Variants in SEC31B observed in about 807,000 individuals in gnomAD.
SEC31B encodes protein transport protein Sec31B.
SEC31B carries 113 observed loss-of-function variants against 135.0 expected under a neutral mutation model. That is an observed-to-expected ratio of 0.84 (90% CI 0.72 to 0.98). The LOEUF (loss-of-function observed/expected upper bound fraction) is 0.98. SEC31B is among the 50% of genes least tolerant of loss of function. The probability of loss-of-function intolerance (pLI) is 0.00; values close to 1 mark genes in which losing one functional copy is unlikely to be tolerated. For synonymous variants in SEC31B, 508 were observed against 549.4 expected (o/e 0.92, Z 1.05); for missense variants, 1,296 against 1,421.1 (o/e 0.91, Z 1.42).
intron 3 of SEC31B, among the ~76,000 whole-genome samples, chr10:100,512,543 G>C (rs1236989798): frequency 6.6e-6 from 1 of 152,042 alleles, no homozygotes; most frequent in African/African-American, 2.4e-5. Flanking sequence ...TACCCATACT[G>C]GTGTTTCAGA....
intron 3 of SEC31B, among the ~76,000 whole-genome samples, chr10:100,510,138 G>A (rs1186710957): frequency 6.6e-6 from 1 of 152,214 alleles, no homozygotes; most frequent in Admixed American, 6.5e-5. Context: ...CAGAGCCTGA[G>A]CTCTTAACAT....
chr10:100,501,255 A>G (rs1440131022), intron 11 of SEC31B, among the ~76,000 whole-genome samples: 2 of 151,946 alleles, frequency 1.3e-5, no homozygotes, highest in Non-Finnish European at 2.9e-5. Flanking sequence ...CAAAAAAACA[A>G]AAACAAAAAA....
At chr10:100,516,317 C>G (rs924632487) in intron 2 of SEC31B, 98 bp from the exon 3 acceptor site, 1 of 1,360,764 alleles carries the variant, frequency 7.3e-7, no homozygotes, top group Non-Finnish European at 1.0e-6. Context: ...CAGAAGAGGG[C>G]TGGGTATACC....
At chr10:100,495,677 C>T (rs1851394696) in intron 18 of SEC31B, 131 bp from the exon 19 acceptor site, 2 of 1,025,850 alleles carry the variant, frequency 1.9e-6, no homozygotes, top group Non-Finnish European at 2.9e-6. Flanking sequence ...TGTTGTTGTT[C>T]TGTTCTGTTT....
In SEC31B at chr10:100,489,017, G is replaced by C. The variant is rs1260717246; in HGVS notation, c.3172-43C>G. ...GGGAGAAAGGCCAGAGGGGCAAGCTGTCCTTCTCATGGCTTCCCTAAGGAC... is the reference window on the plus strand; with the variant it reads ...GGGAGAAAGGCCAGAGGGGCAAGCTCTCCTTCTCATGGCTTCCCTAAGGAC... On this transcript the variant is annotated intron_variant, in intron 23 of 25. Coordinates refer to ENST00000370345, the MANE Select transcript of SEC31B (RefSeq NM_015490.4). The C allele has an allele frequency of 1.9e-6, 3 of 1,563,178 alleles. No individual in the cohort carries two copies. In the South Asian group the frequency reaches 3.7e-5, roughly 19 times the overall value.
intron 19 of SEC31B, among the ~76,000 whole-genome samples, chr10:100,491,382 T>C (rs1203155034): frequency 6.6e-6 from 1 of 152,184 alleles, no homozygotes; most frequent in African/African-American, 2.4e-5. Context: ...GAAGGAACAC[T>C]TCCTAACTAA....
intron 10 of SEC31B, among the ~76,000 whole-genome samples, chr10:100,503,332 G>A (rs1226118714): frequency 2.0e-5 from 3 of 152,072 alleles, no homozygotes; most frequent in Non-Finnish European, 4.4e-5. Context: ...GACTTGCCAG[G>A]CCACACCCCA....
At chr10:100,493,869 T>C (rs1042756746) in intron 19 of SEC31B, among the ~76,000 whole-genome samples, 1 of 152,088 alleles carries the variant, frequency 6.6e-6, no homozygotes, top group Non-Finnish European at 1.5e-5. Flanking sequence ...GGGGTGTTGT[T>C]GGGATGCAGG....
chr10:100,495,476 G>A lies in SEC31B; in HGVS notation c.2381C>T (p.Pro794Leu), dbSNP rs267602337. 6.2e-7 allele frequency: 1 copy of A among 1,613,904 alleles called. No individual in the cohort carries two copies. The highest frequency in any genetic ancestry group is 8.5e-7 in the Non-Finnish European group (1 of 1,179,888). The change falls in exon 19 of 26, where the codon CCC becomes CTC. Residue 794 changes from proline (P) to leucine (L), a missense_variant. By Grantham distance (98) the Pro-to-Leu change is moderately conservative. Transcript: ENST00000370345. ...AACAATCCGGGGGAAGGGGAAAGGGGGAGACTGTTGGCCCAAGACAGCAGA... is the reference window on the plus strand; with the variant it reads ...AACAATCCGGGGGAAGGGGAAAGGGAGAGACTGTTGGCCCAAGACAGCAGA... ...QGSAVLGQQS[P>L]PFPFPRIVVG...
rs529168753 is a variant in SEC31B, at chr10:100,489,445, T to C, written c.3025-47A>G. ...CATGAGTCTAACCTGAGAGACTCCA[T>C]GGCTCTGGTTTTGGGGAGTGGCAGG... is the stretch of plus-strand genomic sequence containing the variant. On this transcript the variant is annotated intron_variant, in intron 22 of 25. Transcript: ENST00000370345. 1.6e-4 allele frequency: 256 copies of C among 1,599,280 alleles called. 2 individuals are homozygous for C. In the South Asian group the frequency reaches 2.3e-3, roughly 14 times the overall value.
In SEC31B at chr10:100,488,093, T is replaced by A; in HGVS notation, c.3294A>T (p.Thr1098=). Residue 1098 remains threonine (T), a synonymous_variant, in exon 25 of 26, where the codon ACA becomes ACT. Transcript: ENST00000370345. The stretch of plus-strand genomic sequence containing the variant: ...GGGCTGCCTCTTCCAGCTTCCTTTT[T>A]GTCTTCTGCAGGGAAAGAAATGGAT... The part of the protein sequence containing the change: ...RCSLSATDLK[T]KRKLEEAAQR... 6.2e-7 allele frequency: 1 copy of A among 1,613,982 alleles called. No homozygotes were observed. The highest frequency in any genetic ancestry group is 8.5e-7 in the Non-Finnish European group (1 of 1,179,910).
rs147450629 is a variant in SEC31B, at chr10:100,499,235, G to A, written c.1509C>T (p.Asp503=). 338 of 1,613,100 alleles carry A rather than the reference G, an allele frequency of 2.1e-4. No homozygotes were observed. Among genetic ancestry groups the A allele is most frequent in the Non-Finnish European group, 2.7e-4 (314 of 1,179,690 alleles). Residue 503 remains aspartate (D), a synonymous_variant, in exon 13 of 26, where the codon GAC becomes GAT. Coordinates refer to ENST00000370345, the MANE Select transcript of SEC31B (RefSeq NM_015490.4). ...GCTGAGGACTCTCACCTAGCCCCAC[G>A]TCACTCTTCAACCATGTGGCCACCT... ...QKKVATWLKS[D]VGLGESPQPK...
intron 1 of SEC31B, among the ~76,000 whole-genome samples, chr10:100,519,101 AGGCC>A (rs984378819): frequency 1.3e-5 from 2 of 152,246 alleles, no homozygotes; most frequent in African/African-American, 4.8e-5. Flanking sequence ...ACAACTGGCT[AGGCC>A]GGGATGTGAA....
chr10:100,512,393 T>C (rs573885054), intron 3 of SEC31B, among the ~76,000 whole-genome samples: 21 of 152,230 alleles, frequency 1.4e-4, no homozygotes, highest in Non-Finnish European at 2.8e-4. Flanking sequence ...ACCTTTCTTT[T>C]TGAGTGAAAT....
intron 15 of SEC31B, 80 bp from the exon 16 acceptor site, chr10:100,497,873 T>G: frequency 1.9e-6 from 3 of 1,609,254 alleles, no homozygotes; most frequent in Non-Finnish European, 2.6e-6. Context: ...GGCCTCCTGT[T>G]AGAGCACTGA....
intron 3 of SEC31B, among the ~76,000 whole-genome samples, chr10:100,515,000 A>G (rs1319815964): frequency 6.6e-6 from 1 of 151,074 alleles, no homozygotes; most frequent in Admixed American, 6.6e-5. Flanking sequence ...AAAAAAAAAA[A>G]TAGTAGAGCC....
intron 1 of SEC31B, among the ~76,000 whole-genome samples, chr10:100,517,728 T>C (rs1227075149): frequency 2.0e-5 from 3 of 152,198 alleles, no homozygotes; most frequent in Non-Finnish European, 2.9e-5. Flanking sequence ...TTTTATGGTC[T>C]TTTTTTATTT....
intron 19 of SEC31B, chr10:100,495,169 G>C (rs958874065): frequency 5.4e-6 from 3 of 550,498 alleles, no homozygotes. Flanking sequence ...ACTACACTAT[G>C]AGCTACTTGA....
intron 19 of SEC31B, among the ~76,000 whole-genome samples, chr10:100,494,153 TG>T (rs1851359398): frequency 6.6e-6 from 1 of 152,178 alleles, no homozygotes; most frequent in Non-Finnish European, 1.5e-5. Context: ...AGCAAGCTTC[TG>T]GCCTCACATC....
Sources: gnomAD v4.1 joint callset for allele counts (sites outside exome capture counted in the v4.1 genomes callset) on GRCh38, gnomAD v4.1.1 for gene constraint, MANE v1.5 for transcripts, NCBI Gene and HGNC (gene_info 2026-07-23, HGNC 2026-07-21) for gene names.